DTNBP1: variants seen among roughly 807,000 people sequenced by gnomAD.
DTNBP1 encodes the protein dysbindin.
A neutral mutation model predicts 42.8 loss-of-function variants in DTNBP1; 35 were observed. The ratio of observed to expected loss-of-function variants is 0.82; its 90% confidence interval spans 0.63 to 1.09. DTNBP1 has a LOEUF of 1.09. DTNBP1 is among the 50% of genes least tolerant of loss of function. DTNBP1 has a pLI of 0.00. For synonymous variants in DTNBP1, 171 were observed against 162.2 expected (o/e 1.05, Z -0.41); for missense variants, 457 against 424.2 (o/e 1.08, Z -0.68).
At chr6:15,526,360 G>A (rs1772390956) in intron 8 of DTNBP1, among the ~76,000 whole-genome samples, 2 of 152,232 alleles carry the variant, frequency 1.3e-5, no homozygotes, top group African/African-American at 4.8e-5. Context: ...ACACGGGGGT[G>A]GAGAGGAGGG....
At chr6:15,634,169 T>TAATCTAGATC (rs1442925659) in intron 4 of DTNBP1, among the ~76,000 whole-genome samples, 1 of 152,168 alleles carries the variant, frequency 6.6e-6, no homozygotes, top group African/African-American at 2.4e-5. Flanking sequence ...CCCTTTAGAT[T>TAATCTAGATC]AATCTAGATT....
chr6:15,630,286 G>A (rs943092591), intron 4 of DTNBP1, among the ~76,000 whole-genome samples: 20 of 152,196 alleles, frequency 1.3e-4, no homozygotes, highest in African/African-American at 4.6e-4. Context: ...TTTTATAGAT[G>A]AGAAAACTAA....
In DTNBP1 at chr6:15,538,543, C is replaced by T. The variant is rs536562859; in HGVS notation, c.512-5148G>A. 9.2e-5 allele frequency among the ~76,000 whole-genome samples: 14 copies of T among 152,316 alleles called. No individual in the cohort carries two copies. In the South Asian group the frequency reaches 2.9e-3, roughly 32 times the overall value. ...CTTGCCTACACTTCTGCCCTACAAA[C>T]TGGAAGCTGATAAATTTGTTTCATT... On this transcript the variant is annotated intron_variant, in intron 7 of 9. Transcript: ENST00000344537.
At chr6:15,576,903 T>C (rs1051840650) in intron 7 of DTNBP1, among the ~76,000 whole-genome samples, 2 of 151,864 alleles carry the variant, frequency 1.3e-5, no homozygotes, top group Non-Finnish European at 2.9e-5. Flanking sequence ...ACAGACGACA[T>C]GTATTGGGTG....
chr6:15,563,769 T>C lies in DTNBP1; in HGVS notation c.511+29290A>G, dbSNP rs191111578. On this transcript the variant is annotated intron_variant, in intron 7 of 9. Transcript: ENST00000344537. ...TCCACTCCAAAACCTTTAAGAATCC[T>C]AGCCCCAGCTGGGCGCAGTGGCTCA... Among the ~76,000 whole-genome samples the C allele has an allele frequency of 1.2e-3, 181 of 152,314 alleles. 1 individual carries two copies. Among genetic ancestry groups the C allele is most frequent in the African/African-American group, 4.2e-3 (175 of 41,578 alleles).
chr6:15,614,667 A>G (rs1758615526), intron 6 of DTNBP1, among the ~76,000 whole-genome samples: 1 of 152,216 alleles, frequency 6.6e-6, no homozygotes, highest in Non-Finnish European at 1.5e-5. Context: ...AGGTTGGCCT[A>G]GTGATAACAG....
At chr6:15,620,774 G>A (rs1240390114) in intron 5 of DTNBP1, among the ~76,000 whole-genome samples, 3 of 152,130 alleles carry the variant, frequency 2.0e-5, no homozygotes, top group African/African-American at 4.8e-5. Context: ...TATGGGGGAC[G>A]GGTTAAGAGC....
At chr6:15,525,261 T>C (rs9296977) in intron 8 of DTNBP1, among the ~76,000 whole-genome samples, 23,012 of 152,220 alleles carry the variant, frequency 0.15, 2,629 homozygotes, top group African/African-American at 0.32. Flanking sequence ...ACATGCCTAG[T>C]TGGCCTCTGC....
intron 7 of DTNBP1, among the ~76,000 whole-genome samples, chr6:15,537,976 A>G (rs9476838): frequency 0.15 from 23,577 of 152,178 alleles, 2,715 homozygotes; most frequent in African/African-American, 0.32. Flanking sequence ...TGGGTAAAGG[A>G]TTACTTCTAA....
chr6:15,608,224 T>A (rs1416330884), intron 6 of DTNBP1, among the ~76,000 whole-genome samples: 1 of 152,086 alleles, frequency 6.6e-6, no homozygotes. Context: ...TTTTAAAAAC[T>A]GTTTCCCCTC....
intron 6 of DTNBP1, chr6:15,595,309 G>C: frequency 5.0e-6 from 2 of 400,378 alleles, no homozygotes; most frequent in Non-Finnish European, 9.4e-6. Context: ...CTGTCACCCA[G>C]GCTGGAGTGC....
At chr6:15,588,919 T>C (rs1581365599) in intron 7 of DTNBP1, among the ~76,000 whole-genome samples, 1 of 152,220 alleles carries the variant, frequency 6.6e-6, no homozygotes, top group Non-Finnish European at 1.5e-5. Flanking sequence ...TACTTATTTC[T>C]ATTATTTCTA....
At chr6:15,532,544 C>T (rs1303600725) in intron 8 of DTNBP1, among the ~76,000 whole-genome samples, 1 of 152,010 alleles carries the variant, frequency 6.6e-6, no homozygotes, top group Non-Finnish European at 1.5e-5. Flanking sequence ...CAGTCAGATA[C>T]CAATTAGATA....
intron 7 of DTNBP1, among the ~76,000 whole-genome samples, chr6:15,571,799 G>A (rs1311820037): frequency 6.6e-6 from 1 of 152,152 alleles, no homozygotes; most frequent in Non-Finnish European, 1.5e-5. Flanking sequence ...GACTTAGCAG[G>A]TACAGAATAA....
chr6:15,524,479 G>A (rs1458924514), intron 9 of DTNBP1, 47 bp downstream of exon 9: 1 of 1,612,976 alleles, frequency 6.2e-7, no homozygotes. Context: ...GAGGGGAGTG[G>A]CATCGATACT....
chr6:15,535,277 A>T (rs747714606), intron 7 of DTNBP1, among the ~76,000 whole-genome samples: 2 of 152,124 alleles, frequency 1.3e-5, no homozygotes, highest in Non-Finnish European at 2.9e-5. Context: ...CCAGCCATGC[A>T]GAGCTGTGAG....
chr6:15,573,548 C>T (rs537758302), intron 7 of DTNBP1, among the ~76,000 whole-genome samples: 1 of 152,186 alleles, frequency 6.6e-6, no homozygotes, highest in Non-Finnish European at 1.5e-5. Context: ...GGCGCAGTGG[C>T]TCACATCTAT....
At chr6:15,556,204 G>A (rs758681572) in intron 7 of DTNBP1, among the ~76,000 whole-genome samples, 3 of 149,074 alleles carry the variant, frequency 2.0e-5, no homozygotes, top group Non-Finnish European at 3.0e-5. Context: ...TTTTTGAGAC[G>A]GAGTTTTGCT....
chr6:15,577,915 A>G (rs1264917087), intron 7 of DTNBP1, among the ~76,000 whole-genome samples: 1 of 152,230 alleles, frequency 6.6e-6, no homozygotes, highest in East Asian at 1.9e-4. Flanking sequence ...AAGATATTGT[A>G]GCCAACATAA....
Sources: gnomAD v4.1 joint callset for allele counts (sites outside exome capture counted in the v4.1 genomes callset) on GRCh38, gnomAD v4.1.1 for gene constraint, MANE v1.5 for transcripts, NCBI Gene and HGNC (gene_info 2026-07-23, HGNC 2026-07-21) for gene names.